Variants in PPP3CA observed in about 807,000 individuals in gnomAD.
The protein encoded by PPP3CA is protein phosphatase 3 catalytic subunit alpha, also known as CAM-PRP catalytic subunit.
PPP3CA carries 14 observed loss-of-function variants against 66.5 expected under a neutral mutation model. The observed-to-expected ratio is 0.21, with a 90% CI of 0.14 to 0.33. The LOEUF is 0.33. Among genes scored for constraint, PPP3CA ranks in the 10% least tolerant of loss-of-function variants. The pLI is 1.00. For synonymous variants in PPP3CA, 232 were observed against 226.2 expected, an observed-to-expected ratio of 1.03 and a Z score of -0.23; for missense variants, 317 against 639.5, an observed-to-expected ratio of 0.50 and a Z score of 5.44.
At chr4:101,177,502 C>T (rs1724100071) in intron 2 of PPP3CA, among the ~76,000 whole-genome samples, 1 of 152,002 alleles carries the variant, frequency 6.6e-6, no homozygotes, top group South Asian at 2.1e-4. Context: ...CCTCCTTTTC[C>T]TGTTAAGCTT....
intron 2 of PPP3CA, among the ~76,000 whole-genome samples, chr4:101,168,645 A>C (rs1429144902): frequency 6.6e-6 from 1 of 152,206 alleles, no homozygotes; most frequent in Non-Finnish European, 1.5e-5. Context: ...AAGGGAAGAA[A>C]GTATTGAAAG....
chr4:101,040,607 T>A (rs898990684), intron 10 of PPP3CA, 41 bp from the exon 11 acceptor site: 2 of 1,519,038 alleles, frequency 1.3e-6, no homozygotes, highest in Non-Finnish European at 1.8e-6. Context: ...TAATTTTTTA[T>A]CTAATTGTAA....
At chr4:101,318,332 CTT>C (rs1226015757) in intron 1 of PPP3CA, among the ~76,000 whole-genome samples, 1 of 152,046 alleles carries the variant, frequency 6.6e-6, no homozygotes, top group Non-Finnish European at 1.5e-5. Flanking sequence ...TATTAAATTC[CTT>C]TTAGAAAGTA....
chr4:101,285,054 A>G (rs543580203), intron 1 of PPP3CA, among the ~76,000 whole-genome samples: 1 of 152,058 alleles, frequency 6.6e-6, no homozygotes, highest in Non-Finnish European at 1.5e-5. Context: ...AACCACACAA[A>G]CACAAACCCA....
chr4:101,286,036 A>C lies in PPP3CA; in HGVS notation c.58+60703T>G, dbSNP rs184287496. ...TTTTTCATGTACAAGGCGGGGGTGG[A>C]TGGATGGTTTCAGGATGAAACTGTT... On this transcript the variant is annotated intron_variant, in intron 1 of 13. Coordinates refer to ENST00000394854, the MANE Select transcript of PPP3CA (RefSeq NM_000944.5). Among the ~76,000 whole-genome samples, 10 of 152,240 alleles carry C rather than the reference A, an allele frequency of 6.6e-5. No homozygotes were observed. In the East Asian group the frequency reaches 1.9e-3, roughly 29 times the overall value.
chr4:101,196,031 C>T lies in PPP3CA; in HGVS notation c.144G>A (p.Ala48=), dbSNP rs3730250. 4,043 of 1,613,954 alleles carry T rather than the reference C, an allele frequency of 2.5e-3. 90 individuals are homozygous for T. In the African/African-American group the frequency reaches 0.046, roughly 18 times the overall value. Residue 48 remains alanine, a synonymous_variant, in exon 2 of 14, where the codon GCG becomes GCA. Transcript: ENST00000394854. ...DGKPRVDILK[A]HLMKEGRLEE... ...CCAGCCTTCCCTCCTTCATAAGATGCGCCTTTAAGATATCCACACGAGGTT... is the reference window on the plus strand; with the variant it reads ...CCAGCCTTCCCTCCTTCATAAGATGTGCCTTTAAGATATCCACACGAGGTT...
At chr4:101,182,327 AAAAC>A (rs1724260478) in intron 2 of PPP3CA, among the ~76,000 whole-genome samples, 1 of 152,180 alleles carries the variant, frequency 6.6e-6, no homozygotes, top group African/African-American at 2.4e-5. Flanking sequence ...AACATTAAAT[AAAAC>A]AGGCTTAAGT....
intron 2 of PPP3CA, among the ~76,000 whole-genome samples, chr4:101,121,337 A>T (rs1370652808): frequency 6.6e-6 from 1 of 152,114 alleles, no homozygotes; most frequent in Admixed American, 6.6e-5. Context: ...CCTTATAAAC[A>T]TTACTTCATT....
intron 2 of PPP3CA, among the ~76,000 whole-genome samples, chr4:101,145,974 T>G (rs1024545486): frequency 6.6e-6 from 1 of 152,192 alleles, no homozygotes; most frequent in African/African-American, 2.4e-5. Flanking sequence ...ACGTTTCACA[T>G]TTTATTTAGT....
At chr4:101,328,965 T>C (rs147402474) in intron 1 of PPP3CA, among the ~76,000 whole-genome samples, 26 of 152,116 alleles carry the variant, frequency 1.7e-4, no homozygotes, top group African/African-American at 5.3e-4. Flanking sequence ...CAAAATAATA[T>C]TGAAAATGAG....
At chr4:101,049,760 A>AAAAC (rs1270248913) in intron 10 of PPP3CA, among the ~76,000 whole-genome samples, 2 of 152,108 alleles carry the variant, frequency 1.3e-5, no homozygotes, top group Admixed American at 1.3e-4. Context: ...GTGAAGGGAG[A>AAAAC]AAACAAACAA....
rs199874915 is a variant in PPP3CA, at chr4:101,025,893, T to C, written c.1538A>G (p.Asn513Ser). 29 of 1,591,828 alleles carry C rather than the reference T, an allele frequency of 1.8e-5. No homozygotes were observed. The highest frequency in any genetic ancestry group is 2.3e-5 in the Non-Finnish European group (27 of 1,168,212). ...LTSETNGTDSNGSNSSNIQ is the reference protein window; with the variant it reads ...LTSETNGTDSSGSNSSNIQ ...CTGAATATTGCTGCTATTACTGCCA[T>C]TGCTGTCCGTGCCGTTAGTCTCTGA... The change falls in exon 14 of 14, where the codon AAT becomes AGT. Residue 513 changes from asparagine to serine, a missense_variant. Asn to Ser is a conservative substitution (Grantham distance 46). This residue lies in a region of PPP3CA where 40 missense variants were observed against 38.6 expected (regional missense o/e 1.04). Coordinates refer to ENST00000394854, the MANE Select transcript of PPP3CA (RefSeq NM_000944.5).
intron 4 of PPP3CA, 30 bp from the exon 5 acceptor site, chr4:101,098,542 G>A: frequency 1.3e-6 from 2 of 1,558,448 alleles, no homozygotes; most frequent in African/African-American, 1.4e-5. Flanking sequence ...GAATACTTAT[G>A]ATTTATAGGC....
At chr4:101,187,658 T>C (rs188456934) in intron 2 of PPP3CA, among the ~76,000 whole-genome samples, 5 of 152,290 alleles carry the variant, frequency 3.3e-5, no homozygotes, top group Non-Finnish European at 5.9e-5. Flanking sequence ...AATAATGTGT[T>C]TCATGCTTGA....
chr4:101,323,153 T>C (rs1165443128), intron 1 of PPP3CA, among the ~76,000 whole-genome samples: 1 of 152,154 alleles, frequency 6.6e-6, no homozygotes, highest in Non-Finnish European at 1.5e-5. Flanking sequence ...ACAGTTCTAG[T>C]ATTCCTATTG....
At chr4:101,105,187 A>T (rs1730608653) in intron 3 of PPP3CA, among the ~76,000 whole-genome samples, 1 of 149,042 alleles carries the variant, frequency 6.7e-6, no homozygotes, top group African/African-American at 2.5e-5. Flanking sequence ...TTTTTCTTTA[A>T]GATGGAGTCT....
At chr4:101,077,735 C>T (rs1041075145) in intron 8 of PPP3CA, among the ~76,000 whole-genome samples, 6 of 151,974 alleles carry the variant, frequency 3.9e-5, no homozygotes, top group African/African-American at 1.5e-4. Context: ...CAGTTCTACT[C>T]CCTTTCCTGA....
chr4:101,336,582 G>GAAAAAAAAAAAAAAAA (rs534710537), intron 1 of PPP3CA, among the ~76,000 whole-genome samples: 3 of 98,860 alleles, frequency 3.0e-5, no homozygotes, highest in Non-Finnish European at 4.8e-5. Flanking sequence ...AAAAAAAAAT[G>GAAAAAAAAAAAAAAAA]AAAAAAAAAA....
chr4:101,333,233 C>T (rs1406056506), intron 1 of PPP3CA, among the ~76,000 whole-genome samples: 2 of 142,684 alleles, frequency 1.4e-5, no homozygotes, highest in African/African-American at 5.1e-5. Context: ...GCCTCCTGAG[C>T]AGCAGCTGGG....
Sources: gnomAD v4.1 joint callset for allele counts (sites outside exome capture counted in the v4.1 genomes callset) on GRCh38, gnomAD v4.1.1 for gene constraint, gnomAD v4.1.1 regional missense constraint, MANE v1.5 for transcripts, NCBI Gene and HGNC (gene_info 2026-07-23, HGNC 2026-07-21) for gene names.